Variants in RTEL1 observed in about 807,000 individuals in gnomAD.
The protein encoded by RTEL1 is regulator of telomere elongation helicase 1.
A neutral mutation model predicts 162.2 loss-of-function variants in RTEL1; 86 were observed. The observed-to-expected ratio is 0.53, with a 90% CI of 0.45 to 0.63. RTEL1 has a LOEUF of 0.63. RTEL1 is among the 30% of genes least tolerant of loss of function. RTEL1 has a pLI of 0.00. For synonymous variants in RTEL1, 958 were observed against 717.9 expected, an observed-to-expected ratio of 1.33 and a Z score of -5.35; for missense variants, 1,941 against 1,750.2, an observed-to-expected ratio of 1.11 and a Z score of -1.95.
intron 12 of RTEL1, among the ~76,000 whole-genome samples, chr20:63,678,726 C>T (rs2090419397): frequency 7.1e-6 from 1 of 140,688 alleles, no homozygotes; most frequent in Admixed American, 7.0e-5. Context: ...AGCACACACA[C>T]CCACGGAACG....
intron 20 of RTEL1, 60 bp downstream of exon 20, chr20:63,688,446 G>A (rs562158774): frequency 1.9e-6 from 3 of 1,606,530 alleles, no homozygotes; most frequent in African/African-American, 2.7e-5. Flanking sequence ...CATGAAGCAG[G>A]CAGTGGTCAC....
chr20:63,671,348 C>T (rs1005715344), intron 8 of RTEL1, among the ~76,000 whole-genome samples: 11 of 152,064 alleles, frequency 7.2e-5, no homozygotes, highest in South Asian at 2.1e-4. Context: ...CATGAACCAC[C>T]GCACCCGGCT....
Position 63,686,462 on chromosome 20 carries a change from A to G in RTEL1, c.1348+590A>G, listed in dbSNP as rs184773652. ...TTGGGGTGTATCTGGCCCCACCCCCACTGCGTGGTGTCCAGGGTGGGGCTT... is the reference window on the plus strand; with the variant it reads ...TTGGGGTGTATCTGGCCCCACCCCCGCTGCGTGGTGTCCAGGGTGGGGCTT... On this transcript the variant is annotated intron_variant, in intron 16 of 34. Coordinates refer to ENST00000360203, the MANE Select transcript of RTEL1 (RefSeq NM_001283009.2). 1.9e-3 allele frequency: 295 copies of G among 153,810 alleles called. 2 individuals are homozygous for G. The highest frequency in any genetic ancestry group is 3.3e-3 in the Non-Finnish European group (226 of 69,172). The allele number at this position is 153,810 out of a possible 1,614,324, so 9.5% of individuals were successfully genotyped here. A position where few individuals can be genotyped will look rare whatever the true frequency, so the allele number is the denominator to read the frequency against.
At chr20:63,684,186 G>A (rs2090540702) in intron 14 of RTEL1, among the ~76,000 whole-genome samples, 1 of 152,176 alleles carries the variant, frequency 6.6e-6, no homozygotes, top group African/African-American at 2.4e-5. Context: ...GTGGGGGTGT[G>A]AAAGGCAGAC....
chr20:63,667,505 G>A lies in RTEL1; in HGVS notation c.651G>A (p.Gln217=). Residue 217 remains glutamine, a synonymous_variant, in exon 8 of 35, where the codon CAG becomes CAA. Transcript: ENST00000360203. ...CPYYLSRNLK[Q]QADIIFMPYN... The stretch of plus-strand genomic sequence containing the variant: ...ACTACCTGTCCCGGAACCTGAAGCA[G>A]CAAGCCGACATCATATTCATGCCGT... 6.2e-7 allele frequency: 1 copy of A among 1,614,034 alleles called. No individual in the cohort carries two copies. The highest frequency in any genetic ancestry group is 8.5e-7 in the Non-Finnish European group (1 of 1,179,926).
intron 14 of RTEL1, 140 bp from the exon 15 acceptor site, chr20:63,685,383 G>T: frequency 1.2e-6 from 1 of 833,490 alleles, no homozygotes; most frequent in Non-Finnish European, 1.9e-6. Context: ...CCTGTCCATT[G>T]GCCTGGGGCT....
At chr20:63,666,647 C>T (rs2146171675) in intron 7 of RTEL1, among the ~76,000 whole-genome samples, 1 of 151,894 alleles carries the variant, frequency 6.6e-6, no homozygotes, top group African/African-American at 2.4e-5. Context: ...GCGATTTTCC[C>T]ACCTCAGCCT....
intron 31 of RTEL1, 103 bp downstream of exon 31, chr20:63,694,591 C>T (rs867316615): frequency 3.1e-5 from 39 of 1,244,022 alleles, no homozygotes; most frequent in Non-Finnish European, 4.2e-5. Context: ...CTGTGGGGAG[C>T]CATCTCATGG....
At chr20:63,689,237 C>A in intron 22 of RTEL1, 105 bp downstream of exon 22, 1 of 1,175,002 alleles carries the variant, frequency 8.5e-7, no homozygotes, top group Non-Finnish European at 1.2e-6. Flanking sequence ...CGGTCCCCTC[C>A]TTGGGTCCCA....
At position 63,687,623 on chromosome 20, in the gene RTEL1, C is replaced by G. The variant is rs758201355; in HGVS notation, c.1349-15C>G. On this transcript the variant is annotated splice_polypyrimidine_tract_variant and intron_variant, in intron 16 of 34. Coordinates refer to ENST00000360203, the MANE Select transcript of RTEL1 (RefSeq NM_001283009.2). ...TCCTCACACTCTGTGCCCTCTGCCG[C>G]CCCCCGCCCCACAGGGAAGGTGCTG... is the stretch of plus-strand genomic sequence containing the variant. 37 of 1,594,738 alleles carry G rather than the reference C, an allele frequency of 2.3e-5. No homozygotes were observed. The highest frequency in any genetic ancestry group is 2.7e-5 in the Non-Finnish European group (32 of 1,171,548).
At chr20:63,694,189 C>A (rs947531915) in intron 30 of RTEL1, 183 bp from the exon 31 acceptor site, 5 of 616,236 alleles carry the variant, frequency 8.1e-6, no homozygotes, top group Admixed American at 2.7e-5. Flanking sequence ...CTGTTCCAGC[C>A]CCCATCCAGC....
rs994575409 is a variant in RTEL1 at position 63,680,665 on chromosome 20, T to C, written c.1137T>C (p.Arg379=). 1.9e-6 allele frequency: 3 copies of C among 1,612,972 alleles called. No individual in the cohort carries two copies. The highest frequency in any genetic ancestry group is 1.3e-5 in the African/African-American group (1 of 74,898). Reference sequence around the variant, plus strand: ...TGTCAGCGCCCTGCTGCCCTCCAGGTGCTGGAGTGTTCACCAACACGGCCG... The same window carrying C: ...TGTCAGCGCCCTGCTGCCCTCCAGGCGCTGGAGTGTTCACCAACACGGCCG... The part of the protein sequence containing the change: ...LDQIIQHLAG[R]AGVFTNTAGL... Residue 379 remains arginine (R), a splice_region_variant and synonymous_variant, in exon 14 of 35, where the codon CGT becomes CGC. Transcript: ENST00000360203.
At chr20:63,673,223 C>T (rs1411185572) in intron 9 of RTEL1, among the ~76,000 whole-genome samples, 1 of 151,852 alleles carries the variant, frequency 6.6e-6, no homozygotes. Context: ...GAAACACCGT[C>T]TCTACTAAAA....
At position 63,696,133 on chromosome 20, in the gene RTEL1, C is replaced by T. The variant is rs1170168341; in HGVS notation, c.*275C>T. ...CCTGGCTCCTGGCCTGTGAGTGGTG[C>T]CACAGGGGCACCCCAGCTGAGCCCC... On this transcript the variant is annotated 3_prime_UTR_variant, in exon 35 of 35. Coordinates refer to ENST00000360203, the MANE Select transcript of RTEL1 (RefSeq NM_001283009.2). 5.8e-6 allele frequency: 3 copies of T among 517,970 alleles called. No homozygotes were observed. The highest frequency in any genetic ancestry group is 1.0e-5 in the Non-Finnish European group (3 of 291,450). The allele number at this position is 517,970 out of a possible 1,614,324, so 32.1% of individuals were successfully genotyped here. A position where few individuals can be genotyped will look rare whatever the true frequency, so the allele number is the denominator to read the frequency against.
intron 14 of RTEL1, among the ~76,000 whole-genome samples, chr20:63,683,503 G>A (rs971191544): frequency 5.3e-5 from 8 of 152,246 alleles, no homozygotes; most frequent in African/African-American, 9.6e-5. Flanking sequence ...GCACATGCAT[G>A]CAGAGTACGC....
At position 63,661,198 on chromosome 20, in the gene RTEL1, A is replaced by G. The variant is rs565856841; in HGVS notation, c.103-100A>G. 1.5e-4 allele frequency: 165 copies of G among 1,133,788 alleles called. No homozygotes were observed. The African/African-American group carries it at 2.2e-3, about 15-fold the overall frequency. 70.2% of individuals were successfully genotyped at this position (1,133,788 alleles called of 1,614,324 possible). ...ACCTGGCAGTGGCCTCTGCATCTGC[A>G]AAGAGCTGCCCGCTGGCTGCCGAAG... On this transcript the variant is annotated intron_variant, in intron 2 of 34. Coordinates refer to ENST00000360203, the MANE Select transcript of RTEL1 (RefSeq NM_001283009.2). The surrounding 1 kb of genome is among the most constrained non-coding windows in gnomAD (Gnocchi z 5.1).
intron 26 of RTEL1, 62 bp downstream of exon 26, chr20:63,690,503 G>GGGGC: frequency 1.9e-6 from 2 of 1,028,418 alleles, no homozygotes; most frequent in African/African-American, 1.6e-5. Context: ...CGTGGGGCGG[G>GGGGC]CAGCACCAGG....
At chr20:63,687,871 G>T in intron 17 of RTEL1, 66 bp from the exon 18 acceptor site, 1 of 1,581,708 alleles carries the variant, frequency 6.3e-7, no homozygotes, top group East Asian at 2.3e-5. Context: ...TGGGGGTCTC[G>T]GGCCTCGAGG....
rs1209020762 is a variant in RTEL1 at position 63,688,124 on chromosome 20, C to T, written c.1596-15C>T. 3.7e-6 allele frequency: 6 copies of T among 1,612,504 alleles called. No individual in the cohort carries two copies. In the Admixed American group the frequency reaches 5.0e-5, roughly 13 times the overall value. ...TGAGGCCTGAGGTCCTGAGCAGTGG[C>T]CTCTCCGGCTCTAGGTTTTCCGAGG... is the stretch of plus-strand genomic sequence containing the variant. On this transcript the variant is annotated splice_polypyrimidine_tract_variant and intron_variant, in intron 18 of 34. Transcript: ENST00000360203.
Sources: allele counts gnomAD v4.1 joint callset (sites outside exome capture counted in the v4.1 genomes callset), GRCh38; gene constraint gnomAD v4.1.1; non-coding constraint Gnocchi (gnomAD v3.1); transcripts MANE v1.5; gene names NCBI Gene and HGNC (gene_info 2026-07-23, HGNC 2026-07-21).